Variants in ERLIN1 observed in about 807,000 individuals in gnomAD.
The protein encoded by ERLIN1 is ER lipid raft associated 1.
In ERLIN1, 24 loss-of-function variants were observed where a neutral mutation model predicts 46.9. That is an observed-to-expected ratio of 0.51 (90% CI 0.37 to 0.72). The LOEUF is 0.72. Ranked by LOEUF, ERLIN1 falls within the 30% of genes least tolerant of loss-of-function variation. The probability of loss-of-function intolerance (pLI) is 0.00; values close to 1 mark genes in which losing one functional copy is unlikely to be tolerated. For synonymous variants in ERLIN1, 158 were observed against 143.2 expected, an observed-to-expected ratio of 1.10 and a Z score of -0.74; for missense variants, 293 against 417.9, an observed-to-expected ratio of 0.70 and a Z score of 2.61.
intron 10 of ERLIN1, among the ~76,000 whole-genome samples, chr10:100,154,126 G>C (rs1450917321): frequency 2.4e-4 from 36 of 151,868 alleles, no homozygotes; most frequent in Non-Finnish European, 1.0e-4. Flanking sequence ...ATAAATCTTG[G>C]ACATACCCTT....
intron 2 of ERLIN1, among the ~76,000 whole-genome samples, chr10:100,179,516 G>T (rs1564817193): frequency 6.6e-6 from 1 of 151,938 alleles, no homozygotes; most frequent in Non-Finnish European, 1.5e-5. Context: ...GAATGCAGTG[G>T]TGCAATCTTG....
At position 100,151,856 on chromosome 10, in the gene ERLIN1, A is replaced by G; in HGVS notation, c.*275T>C. 2.1e-6 allele frequency: 1 copy of G among 480,486 alleles called. No homozygotes were observed. The allele number at this position is 480,486 out of a possible 1,614,324, so 29.8% of individuals were successfully genotyped here. A position where few individuals can be genotyped will look rare whatever the true frequency, so the allele number is the denominator to read the frequency against. ...TATTTAGTGTTTAACATTCCAGTGC[A>G]GGCAGTATCTTAGCATCAGACTTTC... On this transcript the variant is annotated 3_prime_UTR_variant, in exon 11 of 11. Coordinates refer to ENST00000421367, the MANE Select transcript of ERLIN1 (RefSeq NM_006459.4).
chr10:100,157,088 T>C (rs1049532851), intron 8 of ERLIN1, among the ~76,000 whole-genome samples: 2 of 152,024 alleles, frequency 1.3e-5, no homozygotes, highest in Non-Finnish European at 2.9e-5. Context: ...AGAGGTGATA[T>C]GGAACCAGCC....
intron 10 of ERLIN1, 101 bp from the exon 11 acceptor site, chr10:100,152,453 G>C: frequency 1.3e-6 from 1 of 750,530 alleles, no homozygotes; most frequent in Non-Finnish European, 2.4e-6. Flanking sequence ...TGAGTATCAT[G>C]AGTCAAGTCT....
chr10:100,163,914 A>T, intron 8 of ERLIN1, 90 bp downstream of exon 8: 1 of 777,878 alleles, frequency 1.3e-6, no homozygotes, highest in Non-Finnish European at 2.2e-6. Context: ...ATGCAATCTT[A>T]CTGAGTCCCA....
At chr10:100,176,648 C>A (rs1844323902) in intron 4 of ERLIN1, among the ~76,000 whole-genome samples, 1 of 152,168 alleles carries the variant, frequency 6.6e-6, no homozygotes, top group Non-Finnish European at 1.5e-5. Flanking sequence ...GCACTGAATT[C>A]TCCTAAATTT....
chr10:100,164,258 A>T (rs967494881), intron 7 of ERLIN1, among the ~76,000 whole-genome samples, 163 bp from the exon 8 acceptor site: 1 of 152,192 alleles, frequency 6.6e-6, no homozygotes, highest in Non-Finnish European at 1.5e-5. Context: ...ACTTATAATA[A>T]ATCTGAGGTT....
At chr10:100,159,805 C>T (rs1437150047) in intron 8 of ERLIN1, among the ~76,000 whole-genome samples, 1 of 150,456 alleles carries the variant, frequency 6.6e-6, no homozygotes, top group Non-Finnish European at 1.5e-5. Context: ...TTCCATGTTT[C>T]CACTAGAAAA....
chr10:100,169,292 G>A (rs1050189962), intron 6 of ERLIN1, among the ~76,000 whole-genome samples: 2 of 151,948 alleles, frequency 1.3e-5, no homozygotes, highest in East Asian at 3.9e-4. Flanking sequence ...TACATAGAGT[G>A]AATGGAGGAA....
intron 2 of ERLIN1, among the ~76,000 whole-genome samples, chr10:100,183,270 T>C (rs1844765896): frequency 6.6e-6 from 1 of 152,202 alleles, no homozygotes; most frequent in Non-Finnish European, 1.5e-5. Context: ...GCCATCAAAA[T>C]ATAACATTCA....
intron 7 of ERLIN1, among the ~76,000 whole-genome samples, chr10:100,166,725 A>G (rs1843663529): frequency 6.6e-6 from 1 of 152,226 alleles, no homozygotes; most frequent in Non-Finnish European, 1.5e-5. Flanking sequence ...AGTACCAGTC[A>G]TACGAAAACA....
intron 7 of ERLIN1, among the ~76,000 whole-genome samples, chr10:100,165,645 CA>C (rs1195016651): frequency 2.6e-5 from 4 of 152,044 alleles, no homozygotes; most frequent in South Asian, 2.1e-4. Context: ...CTTGGCCTCC[CA>C]AAAGTGCTGG....
At chr10:100,179,547 C>A (rs546389645) in intron 2 of ERLIN1, among the ~76,000 whole-genome samples, 1 of 152,112 alleles carries the variant, frequency 6.6e-6, no homozygotes, top group South Asian at 2.1e-4. Context: ...ACCTCTGCCT[C>A]CTGGGTTCAG....
intron 2 of ERLIN1, among the ~76,000 whole-genome samples, chr10:100,183,331 G>C (rs1844770426): frequency 6.6e-6 from 1 of 152,124 alleles, no homozygotes; most frequent in Non-Finnish European, 1.5e-5. Context: ...AAAAACATGA[G>C]GCAGAAAGGC....
Position 100,152,085 on chromosome 10 carries a change from C to CTAA in ERLIN1, c.*45_*46insTTA. ...CCGTATAATGATTGTTCCCACTTAACCCCTTGGGCCACATCTTGATATGGA... is the reference window on the plus strand; with the variant it reads ...CCGTATAATGATTGTTCCCACTTAACTAACCCTTGGGCCACATCTTGATATGGA... On this transcript the variant is annotated 3_prime_UTR_variant, in exon 11 of 11. Transcript: ENST00000421367. 1.7e-6 allele frequency: 2 copies of CTAA among 1,190,844 alleles called. No individual in the cohort carries two copies. The highest frequency in any genetic ancestry group is 2.4e-5 in the South Asian group (2 of 81,762). The allele number at this position is 1,190,844 out of a possible 1,614,324, so 73.8% of individuals were successfully genotyped here.
Position 100,185,817 on chromosome 10 carries a change from C to T in ERLIN1, c.-191G>A. The T allele has an allele frequency of 1.7e-6, 1 of 588,904 alleles. No individual in the cohort carries two copies. The highest frequency in any genetic ancestry group is 3.0e-6 in the Non-Finnish European group (1 of 329,930). The allele number at this position is 588,904 out of a possible 1,614,324, so 36.5% of individuals were successfully genotyped here. On this transcript the variant is annotated 5_prime_UTR_variant, in exon 1 of 11. Transcript: ENST00000421367. The stretch of plus-strand genomic sequence containing the variant: ...CGCTGACCCCTTGCCAACTCCTCCG[C>T]CCCCGGAGGCCAGTGGGCCGCCCCT...
At chr10:100,179,112 T>C (rs1844483464) in intron 3 of ERLIN1, 89 bp downstream of exon 3, 1 of 986,764 alleles carries the variant, frequency 1.0e-6, no homozygotes. Context: ...CTATCATGCC[T>C]ATTTGAGATA....
intron 10 of ERLIN1, 109 bp downstream of exon 10, chr10:100,154,751 A>T: frequency 1.2e-6 from 1 of 850,778 alleles, no homozygotes; most frequent in Non-Finnish European, 1.9e-6. Context: ...CTTGGTCACT[A>T]CACTTTCTTG....
intron 2 of ERLIN1, among the ~76,000 whole-genome samples, chr10:100,181,659 C>G (rs144390047): frequency 0.01 from 1,528 of 152,050 alleles, 24 homozygotes; most frequent in African/African-American, 0.035. Context: ...GGATTACAGG[C>G]ACGCACAACC....
Sources: gnomAD v4.1 joint callset for allele counts (sites outside exome capture counted in the v4.1 genomes callset) on GRCh38, gnomAD v4.1.1 for gene constraint, MANE v1.5 for transcripts, NCBI Gene and HGNC (gene_info 2026-07-23, HGNC 2026-07-21) for gene names.